Variants in PPP3R1 observed in about 807,000 individuals in gnomAD.
PPP3R1 encodes the protein protein phosphatase 3 regulatory subunit B, alpha.
Under a neutral mutation model 22.6 loss-of-function variants are expected in PPP3R1, and 5 were observed. That is an observed-to-expected ratio of 0.22 (90% CI 0.12 to 0.46). The LOEUF (loss-of-function observed/expected upper bound fraction) is 0.46, where lower values mean the gene tolerates loss of function less well. Ranked by LOEUF, PPP3R1 falls within the 20% of genes least tolerant of loss-of-function variation. The pLI is 0.99. For synonymous variants in PPP3R1, 56 were observed against 65.2 expected, an observed-to-expected ratio of 0.86 and a Z score of 0.68; for missense variants, 61 against 203.2, an observed-to-expected ratio of 0.30 and a Z score of 4.25.
intron 2 of PPP3R1, among the ~76,000 whole-genome samples, chr2:68,191,316 T>C (rs528958739): frequency 6.6e-6 from 1 of 152,360 alleles, no homozygotes; most frequent in Non-Finnish European, 1.5e-5. Flanking sequence ...AGCATCTTAC[T>C]GTACTGAATA....
chr2:68,210,689 G>A (rs1024428943), intron 2 of PPP3R1, among the ~76,000 whole-genome samples: 59 of 152,206 alleles, frequency 3.9e-4, no homozygotes, highest in Non-Finnish European at 6.3e-4. Context: ...ATTGTTAGGA[G>A]GCTAAAAAAT....
rs1310084655 is a variant in PPP3R1, at chr2:68,252,474, C to CGCCGGA, written c.-353_-348dup. 57 of 986,350 alleles carry CGCCGGA rather than the reference C, an allele frequency of 5.8e-5. No homozygotes were observed. Among genetic ancestry groups the CGCCGGA allele is most frequent in the Non-Finnish European group, 6.4e-5 (53 of 831,992 alleles). 61.1% of individuals were successfully genotyped at this position (986,350 alleles called of 1,614,324 possible). A position where few individuals can be genotyped will look rare whatever the true frequency, so the allele number is the denominator to read the frequency against. On this transcript the variant is annotated 5_prime_UTR_variant, in exon 1 of 6. Transcript: ENST00000234310. Reference sequence around the variant, plus strand: ...CTCGGGGGCTGCAGCCTCGCGCTCGCGCCGGAGCCGTGACGGACTCACTGC... The same window carrying CGCCGGA: ...CTCGGGGGCTGCAGCCTCGCGCTCGCGCCGGAGCCGGAGCCGTGACGGACTCACTGC...
intron 1 of PPP3R1, among the ~76,000 whole-genome samples, chr2:68,227,017 G>T (rs1027116254): frequency 2.6e-5 from 4 of 151,948 alleles, no homozygotes; most frequent in African/African-American, 7.2e-5. Flanking sequence ...ATAAGGAAAT[G>T]TTGTCATCTC....
chr2:68,227,169 AAG>A (rs1669798651), intron 1 of PPP3R1, among the ~76,000 whole-genome samples: 1 of 152,012 alleles, frequency 6.6e-6, no homozygotes, highest in Admixed American at 6.5e-5. Flanking sequence ...CTCTAAACCA[AAG>A]AGAACCAAGT....
chr2:68,228,380 C>T (rs758973495), intron 1 of PPP3R1, among the ~76,000 whole-genome samples: 14 of 152,134 alleles, frequency 9.2e-5, no homozygotes, highest in Non-Finnish European at 1.9e-4. Flanking sequence ...AACAGGGCTA[C>T]TCAAATTCTA....
chr2:68,230,403 T>G (rs1669872678), intron 1 of PPP3R1, among the ~76,000 whole-genome samples: 1 of 152,244 alleles, frequency 6.6e-6, no homozygotes, highest in Admixed American at 6.5e-5. Context: ...CCTTAGTGGT[T>G]GCTCTATGTA....
intron 1 of PPP3R1, among the ~76,000 whole-genome samples, chr2:68,226,570 G>A (rs1669784112): frequency 6.6e-6 from 1 of 152,046 alleles, no homozygotes; most frequent in Admixed American, 6.5e-5. Context: ...TAATCTTACA[G>A]AATCATGAGA....
intron 1 of PPP3R1, among the ~76,000 whole-genome samples, chr2:68,250,112 A>C (rs562833094): frequency 6.6e-6 from 1 of 152,228 alleles, no homozygotes; most frequent in East Asian, 1.9e-4. Context: ...CACTGCCAAC[A>C]TTATGTAGGT....
chr2:68,229,044 C>G lies in PPP3R1; in HGVS notation c.4-11913G>C, dbSNP rs13394612. On this transcript the variant is annotated intron_variant, in intron 1 of 5. Coordinates refer to ENST00000234310, the MANE Select transcript of PPP3R1 (RefSeq NM_000945.4). ...ATGTTTTCTGGGGGGTTTTCTGAGA[C>G]AGGGTCTCACTGTCACTCAGCTTGA... Among the ~76,000 whole-genome samples the G allele has an allele frequency of 3.4e-3, 524 of 152,180 alleles. 3 individuals carry two copies. The highest frequency in any genetic ancestry group is 0.012 in the African/African-American group (506 of 41,522).
rs1056760421 is a variant in PPP3R1, at chr2:68,180,896, C to T, written c.*67G>A. 1.7e-5 allele frequency: 25 copies of T among 1,452,002 alleles called. No individual in the cohort carries two copies. In the East Asian group the frequency reaches 2.1e-4, roughly 12 times the overall value. The allele number at this position is 1,452,002 out of a possible 1,614,324, so 89.9% of individuals were successfully genotyped here. On this transcript the variant is annotated 3_prime_UTR_variant, in exon 6 of 6. Transcript: ENST00000234310. ...TAAATACACAGAGAGCATTGCTGGA[C>T]GTCTTGAGCAGATCTTCAGAGATGG...
At chr2:68,202,929 A>G (rs1675016213) in intron 2 of PPP3R1, among the ~76,000 whole-genome samples, 1 of 150,082 alleles carries the variant, frequency 6.7e-6, no homozygotes, top group Non-Finnish European at 1.5e-5. Context: ...CAGCCTCCCG[A>G]GTAGCTGGGA....
chr2:68,246,303 G>A (rs989559694), intron 1 of PPP3R1, among the ~76,000 whole-genome samples: 2 of 151,766 alleles, frequency 1.3e-5, no homozygotes, highest in Admixed American at 6.6e-5. Flanking sequence ...TCTAACTCCC[G>A]ACCTCATGAT....
chr2:68,230,335 A>G (rs1365430147), intron 1 of PPP3R1, among the ~76,000 whole-genome samples: 6 of 152,062 alleles, frequency 3.9e-5, no homozygotes, highest in Non-Finnish European at 8.8e-5. Flanking sequence ...TGGGTTAAAC[A>G]TTTTTTAAAT....
chr2:68,216,746 A>G (rs973220536), intron 2 of PPP3R1, among the ~76,000 whole-genome samples: 1 of 152,208 alleles, frequency 6.6e-6, no homozygotes, highest in African/African-American at 2.4e-5. Flanking sequence ...AGCCTGGATC[A>G]CTGAGTCACC....
chr2:68,184,637 C>T (rs2103716083), intron 5 of PPP3R1, among the ~76,000 whole-genome samples: 1 of 152,320 alleles, frequency 6.6e-6, no homozygotes, highest in Admixed American at 6.5e-5. Context: ...CAATCTTTCA[C>T]TGTTATAGCT....
At chr2:68,217,063 T>C (rs761994435) in intron 2 of PPP3R1, 29 bp downstream of exon 2, 19 of 1,520,088 alleles carry the variant, frequency 1.2e-5, no homozygotes, top group Non-Finnish European at 1.6e-5. Context: ...TGAATAAAAG[T>C]AACTTTTGGT....
chr2:68,223,236 A>G (rs766236669), intron 1 of PPP3R1, among the ~76,000 whole-genome samples: 1 of 152,216 alleles, frequency 6.6e-6, no homozygotes, highest in Non-Finnish European at 1.5e-5. Context: ...TCTACTAAGA[A>G]TACAAAAATC....
chr2:68,219,968 A>C (rs1292788931), intron 1 of PPP3R1, among the ~76,000 whole-genome samples: 3 of 152,232 alleles, frequency 2.0e-5, no homozygotes, highest in Non-Finnish European at 4.4e-5. Flanking sequence ...TGATTTAAAA[A>C]TTCAGTAACA....
At chr2:68,193,208 C>A (rs1358340169) in intron 2 of PPP3R1, among the ~76,000 whole-genome samples, 2 of 152,136 alleles carry the variant, frequency 1.3e-5, no homozygotes, top group Non-Finnish European at 2.9e-5. Flanking sequence ...TAAATGACTT[C>A]TTAAAAAGCC....
Sources: allele counts gnomAD v4.1 joint callset (sites outside exome capture counted in the v4.1 genomes callset), GRCh38; gene constraint gnomAD v4.1.1; transcripts MANE v1.5; gene names NCBI Gene and HGNC (gene_info 2026-07-23, HGNC 2026-07-21).